The following RGS5 variants were observed in gnomAD, a reference collection of about 807,000 sequenced individuals.
RGS5 encodes the protein regulator of G-protein signalling 5.
Under a neutral mutation model 18.9 loss-of-function variants are expected in RGS5, and 20 were observed. The ratio of observed to expected loss-of-function variants is 1.06; its 90% confidence interval spans 0.74 to 1.54. The LOEUF (loss-of-function observed/expected upper bound fraction) is 1.54. Ranked by LOEUF, RGS5 falls within the 40% of genes most tolerant of loss-of-function variation. The pLI, the probability that RGS5 is intolerant of heterozygous loss-of-function variation, is 0.00. For missense variants in RGS5, 201 were observed against 211.8 expected (o/e 0.95, Z 0.32); for synonymous variants, 57 against 76.2 (o/e 0.75, Z 1.31).
chr1:163,229,092 A>C (rs941826852), intron 2 of RGS5, among the ~76,000 whole-genome samples: 2 of 152,200 alleles, frequency 1.3e-5, no homozygotes, highest in Non-Finnish European at 2.9e-5. Context: ...GTATCTTTAC[A>C]GCAGTGCCCC....
chr1:163,238,968 ACT>A (rs1647711438), intron 2 of RGS5: 1 of 213,850 alleles, frequency 4.7e-6, no homozygotes. Flanking sequence ...AACCATTGAA[ACT>A]CTATCAAGAC....
intron 2 of RGS5, among the ~76,000 whole-genome samples, chr1:163,294,122 G>A (rs987267062): frequency 6.6e-6 from 1 of 152,312 alleles, no homozygotes; most frequent in East Asian, 1.9e-4. Context: ...GAGGATGGTG[G>A]CCTTCTTTTC....
At chr1:163,179,725 G>C (rs1365343250) in intron 1 of RGS5, among the ~76,000 whole-genome samples, 1 of 152,168 alleles carries the variant, frequency 6.6e-6, no homozygotes, top group African/African-American at 2.4e-5. Context: ...TAAGTTTAGT[G>C]AGAAAACCTC....
At position 163,197,899 on chromosome 1, in the gene RGS5, T is replaced by C. The variant is rs1659629631; in HGVS notation, c.44+4893A>G. Among the ~76,000 whole-genome samples, 2 of 152,186 alleles carry C rather than the reference T, an allele frequency of 1.3e-5. 1 individual carries two copies. The highest frequency in any genetic ancestry group is 4.1e-4 in the South Asian group (2 of 4,830). On this transcript the variant is annotated intron_variant, in intron 1 of 4. Transcript: ENST00000313961. ...CAGTTGTTCAAGCTAATTGCCAGTC[T>C]TTAATTCACTTGGTGCTTGCCTTTT...
At chr1:163,213,384 G>A (rs939959012) in intron 1 of RGS5, among the ~76,000 whole-genome samples, 23 of 152,154 alleles carry the variant, frequency 1.5e-4, no homozygotes, top group Non-Finnish European at 2.4e-4. Flanking sequence ...GACAGAATTC[G>A]CAAGAAGTCA....
In RGS5 at chr1:163,214,346, A is replaced by G. The variant is rs544576243; in HGVS notation, c.69+3180T>C. 4.6e-5 allele frequency among the ~76,000 whole-genome samples: 7 copies of G among 152,292 alleles called. No homozygotes were observed. In the East Asian group the frequency reaches 1.2e-3, roughly 25 times the overall value. ...ACTAAGTTCAGTTTCCCACTTGCTG[A>G]AATGACTATCTCATACCTTCTCCTC... On this transcript the variant is annotated intron_variant, in intron 1 of 5. Coordinates refer to the RGS5 transcript ENST00000367903.
At chr1:163,213,071 G>C (rs115930383) in intron 1 of RGS5, 1 of 152,002 alleles carries the variant, frequency 6.6e-6, no homozygotes, top group Non-Finnish European at 1.5e-5. Context: ...CCTGTGGATC[G>C]CAGGATCAAA....
At chr1:163,262,814 C>T (rs912656778) in intron 2 of RGS5, among the ~76,000 whole-genome samples, 18 of 151,934 alleles carry the variant, frequency 1.2e-4, no homozygotes, top group Non-Finnish European at 2.2e-4. Context: ...TCCTCTCCAG[C>T]ACCTGTTGTT....
At chr1:163,226,997 C>T (rs901632793) in intron 2 of RGS5, among the ~76,000 whole-genome samples, 1 of 152,180 alleles carries the variant, frequency 6.6e-6, no homozygotes, top group Non-Finnish European at 1.5e-5. Context: ...AAAATACTCT[C>T]ACAACTTCCA....
intron 1 of RGS5, among the ~76,000 whole-genome samples, chr1:163,320,759 C>T (rs1036084351): frequency 7.2e-5 from 11 of 152,106 alleles, no homozygotes; most frequent in African/African-American, 2.7e-4. Flanking sequence ...GACAAAAGCC[C>T]TGAACTAATG....
intron 2 of RGS5, chr1:163,304,175 G>C (rs1649636024): frequency 6.6e-6 from 1 of 152,194 alleles, no homozygotes; most frequent in Non-Finnish European, 1.5e-5. Context: ...GGACCCCCAA[G>C]ATATATTCAT....
At chr1:163,190,092 T>C (rs1367891135) in intron 1 of RGS5, among the ~76,000 whole-genome samples, 5 of 152,166 alleles carry the variant, frequency 3.3e-5, no homozygotes, top group African/African-American at 1.2e-4. Flanking sequence ...ACAGAAGACA[T>C]GTAAATCTGC....
At chr1:163,304,142 G>A (rs1049068818) in intron 2 of RGS5, 1 of 152,156 alleles carries the variant, frequency 6.6e-6, no homozygotes, top group African/African-American at 2.4e-5. Context: ...ATCTTGCCTG[G>A]TTAATGAAAT....
At chr1:163,297,996 C>T (rs1450159099) in intron 2 of RGS5, among the ~76,000 whole-genome samples, 5 of 151,984 alleles carry the variant, frequency 3.3e-5, no homozygotes, top group African/African-American at 1.2e-4. Context: ...AAACTGTTGA[C>T]TTGTTTCTCT....
In RGS5 at chr1:163,161,951, A is replaced by C. The variant is rs2102393730; in HGVS notation, c.181T>G (p.Trp61Gly). ...QKTSLDEALQ[W>G]RDSLDKLLQN... ...AGGAGTTTGTCCAGGGAATCACGCC[A>C]CTGCAGGGCCTCGTCCAGCGAGGTT... Residue 61 changes from tryptophan to glycine, a missense_variant, in exon 3 of 5, where the codon TGG becomes GGG. Coordinates refer to ENST00000313961, the MANE Select transcript of RGS5 (RefSeq NM_003617.4). 2 of 1,613,384 alleles carry C rather than the reference A, an allele frequency of 1.2e-6. No homozygotes were observed. The highest frequency in any genetic ancestry group is 2.2e-5 in the South Asian group (2 of 91,068).
intron 4 of RGS5, among the ~76,000 whole-genome samples, chr1:163,150,033 A>G (rs1254812200): frequency 6.6e-6 from 1 of 152,184 alleles, no homozygotes; most frequent in Admixed American, 6.5e-5. Flanking sequence ...CTTTCATCTC[A>G]AAAATATTTC....
chr1:163,295,237 T>C (rs2101728284), intron 2 of RGS5, among the ~76,000 whole-genome samples: 1 of 152,322 alleles, frequency 6.6e-6, no homozygotes, highest in Admixed American at 6.5e-5. Flanking sequence ...TAGTCTGTTC[T>C]CACACTGCTA....
Position 163,244,155 on chromosome 1 carries a change from T to C in RGS5, c.-281+62078A>G, listed in dbSNP as rs1321323205. On this transcript the variant is annotated intron_variant, in intron 2 of 5. Transcript: ENST00000618415. The stretch of plus-strand genomic sequence containing the variant: ...TACTTCAAGTCAATGAGTAATTTGG[T>C]AATAGCATTAACTGGAAACAGCTTG... 1.3e-5 allele frequency among the ~76,000 whole-genome samples: 2 copies of C among 152,168 alleles called. 1 individual carries two copies. Among genetic ancestry groups the C allele is most frequent in the East Asian group, 3.9e-4 (2 of 5,192 alleles).
intron 2 of RGS5, among the ~76,000 whole-genome samples, chr1:163,252,216 A>G (rs1432892232): frequency 6.6e-6 from 1 of 152,174 alleles, no homozygotes; most frequent in Non-Finnish European, 1.5e-5. Flanking sequence ...CATGTTGAAC[A>G]TCATTAATAA....
Sources: allele counts gnomAD v4.1 joint callset (sites outside exome capture counted in the v4.1 genomes callset), GRCh38; gene constraint gnomAD v4.1.1; transcripts MANE v1.5; gene names NCBI Gene and HGNC (gene_info 2026-07-23, HGNC 2026-07-21).